CRKL: variants seen among roughly 807,000 people sequenced by gnomAD.
CRKL encodes the protein CRK like proto-oncogene, adaptor protein.
In CRKL, 3 loss-of-function variants were observed where a neutral mutation model predicts 23.0. The observed-to-expected ratio is 0.13, with a 90% CI of 0.06 to 0.34. CRKL has a LOEUF of 0.34. CRKL is among the 10% of genes least tolerant of loss of function. CRKL has a pLI of 1.00. For missense variants in CRKL, 256 were observed against 394.5 expected (o/e 0.65, Z 2.97); for synonymous variants, 188 against 160.7 (o/e 1.17, Z -1.28).
chr22:20,918,442 T>A (rs374621498), intron 1 of CRKL, among the ~76,000 whole-genome samples, 197 bp downstream of exon 1: 1 of 126,060 alleles, frequency 7.9e-6, no homozygotes, highest in Non-Finnish European at 1.7e-5. Context: ...TTTTTTTTTT[T>A]CCCTCTCACG....
intron 1 of CRKL, among the ~76,000 whole-genome samples, chr22:20,933,225 C>T (rs764933570): frequency 2.0e-5 from 3 of 151,878 alleles, no homozygotes; most frequent in African/African-American, 4.8e-5. Context: ...AAAAAATTAG[C>T]GGGGCGTGGT....
intron 2 of CRKL, among the ~76,000 whole-genome samples, chr22:20,944,662 C>G (rs560634440): frequency 1.9e-4 from 29 of 152,272 alleles, no homozygotes; most frequent in African/African-American, 6.5e-4. Flanking sequence ...CTCGGCCTCC[C>G]AAAGTGCTGG....
intron 1 of CRKL, among the ~76,000 whole-genome samples, chr22:20,920,600 C>T (rs988074803): frequency 3.9e-5 from 6 of 152,106 alleles, no homozygotes; most frequent in Non-Finnish European, 5.9e-5. Context: ...CCAGATTTTC[C>T]GTACATGCAT....
intron 1 of CRKL, among the ~76,000 whole-genome samples, chr22:20,919,624 A>G (rs35383542): frequency 0.07 from 10,711 of 152,190 alleles, 656 homozygotes; most frequent in Non-Finnish European, 0.086. Context: ...ATTATCCCAA[A>G]TTTGAGTTGA....
At chr22:20,932,133 C>T (rs1921478726) in intron 1 of CRKL, among the ~76,000 whole-genome samples, 1 of 150,318 alleles carries the variant, frequency 6.7e-6, no homozygotes, top group Non-Finnish European at 1.5e-5. Context: ...TGTTTTGAGA[C>T]AGTCTTGTTC....
intron 1 of CRKL, among the ~76,000 whole-genome samples, chr22:20,932,677 G>C (rs1301133107): frequency 1.3e-5 from 2 of 152,208 alleles, no homozygotes; most frequent in Non-Finnish European, 2.9e-5. Flanking sequence ...GTATGTGTGT[G>C]TGTATACTTG....
In CRKL at chr22:20,918,248, A is replaced by G. The variant is rs1320078408; in HGVS notation, c.311+3A>G. 1 of 1,613,098 alleles carries G rather than the reference A, an allele frequency of 6.2e-7. No homozygotes were observed. The highest frequency in any genetic ancestry group is 1.3e-5 in the African/African-American group (1 of 74,922). ...ACCCTCATCGAGCCTGCGCCCAGGT[A>G]CGCGAGAGCCCTCCCCGACCGCGGA... is the stretch of plus-strand genomic sequence containing the variant. On this transcript the variant is annotated splice_donor_region_variant and intron_variant, in intron 1 of 2. Transcript: ENST00000354336.
intron 1 of CRKL, among the ~76,000 whole-genome samples, chr22:20,918,945 C>T (rs1569130366): frequency 1.4e-5 from 2 of 147,890 alleles, no homozygotes; most frequent in Admixed American, 6.8e-5. Context: ...GCCGAGCACT[C>T]ACCACCCCAC....
At chr22:20,933,112 T>A (rs1349662323) in intron 1 of CRKL, among the ~76,000 whole-genome samples, 1 of 151,362 alleles carries the variant, frequency 6.6e-6, no homozygotes, top group African/African-American at 2.4e-5. Flanking sequence ...GGCTCACACC[T>A]GTAATCCCAG....
In CRKL at chr22:20,952,224, G is replaced by A. The variant is rs1922306091; in HGVS notation, c.*2379G>A. Reference sequence around the variant, plus strand: ...TGAATTACAGCAGTTGACTCAGAGTGCAAGAAGTCTGGCCATTTTGGAAAG... The same window carrying A: ...TGAATTACAGCAGTTGACTCAGAGTACAAGAAGTCTGGCCATTTTGGAAAG... On this transcript the variant is annotated 3_prime_UTR_variant, in exon 3 of 3. Transcript: ENST00000354336. The A allele has an allele frequency of 4.3e-6, 1 of 230,308 alleles. No individual in the cohort carries two copies. Among genetic ancestry groups the A allele is most frequent in the East Asian group, 6.2e-5 (1 of 16,204 alleles). The allele number at this position is 230,308 out of a possible 1,614,324, so 14.3% of individuals were successfully genotyped here. A position where few individuals can be genotyped will look rare whatever the true frequency, so the allele number is the denominator to read the frequency against.
intron 1 of CRKL, among the ~76,000 whole-genome samples, chr22:20,927,700 G>A (rs34876119): frequency 0.067 from 10,002 of 149,426 alleles, 459 homozygotes; most frequent in Non-Finnish European, 0.098. Flanking sequence ...AAAATTAGCC[G>A]GGCGTGGTGG....
rs1921557445 is a variant in CRKL at position 20,933,941 on chromosome 22, A to G, written c.474A>G (p.Glu158=). 2 of 1,614,190 alleles carry G rather than the reference A, an allele frequency of 1.2e-6. No individual in the cohort carries two copies. Residue 158 remains glutamate (E), a synonymous_variant, in exon 2 of 3, where the codon GAA becomes GAG. Coordinates refer to ENST00000354336, the MANE Select transcript of CRKL (RefSeq NM_005207.4). The part of the protein sequence containing the change: ...EILVIIEKPE[E]QWWSARNKDG... ...TAGTGATAATAGAGAAGCCTGAAGA[A>G]CAGTGGTGGAGTGCCCGGAACAAGG...
chr22:20,936,172 G>C (rs1921653450), intron 2 of CRKL, among the ~76,000 whole-genome samples: 1 of 152,064 alleles, frequency 6.6e-6, no homozygotes, highest in South Asian at 2.1e-4. Context: ...AAAAAGGGGG[G>C]AGAATGTTGA....
At chr22:20,932,373 A>C (rs1343738241) in intron 1 of CRKL, among the ~76,000 whole-genome samples, 2 of 152,146 alleles carry the variant, frequency 1.3e-5, no homozygotes, top group African/African-American at 4.8e-5. Context: ...CTGGGATTAC[A>C]GGTCTGAGCC....
intron 1 of CRKL, among the ~76,000 whole-genome samples, chr22:20,929,601 C>T (rs1046321928): frequency 2.6e-5 from 4 of 152,148 alleles, no homozygotes; most frequent in African/African-American, 9.7e-5. Flanking sequence ...GTAGCTGGGC[C>T]TACAGGCACA....
chr22:20,927,284 G>A (rs1276413916), intron 1 of CRKL, among the ~76,000 whole-genome samples: 8 of 130,166 alleles, frequency 6.1e-5, no homozygotes, highest in African/African-American at 1.2e-4. Context: ...TCCACCTCCC[G>A]GGTTCAAGTG....
At chr22:20,936,101 A>C (rs1601680823) in intron 2 of CRKL, among the ~76,000 whole-genome samples, 1 of 152,122 alleles carries the variant, frequency 6.6e-6, no homozygotes, top group Admixed American at 6.6e-5. Flanking sequence ...TAGAGGTTGC[A>C]GTGAGCCGAG....
intron 1 of CRKL, among the ~76,000 whole-genome samples, chr22:20,928,197 C>T (rs1209273873): frequency 6.6e-6 from 1 of 151,766 alleles, no homozygotes; most frequent in Non-Finnish European, 1.5e-5. Context: ...TGGCATGCAC[C>T]TGTAGTCCCA....
chr22:20,944,370 G>A (rs1424977403), intron 2 of CRKL, among the ~76,000 whole-genome samples: 1 of 151,704 alleles, frequency 6.6e-6, no homozygotes, highest in Non-Finnish European at 1.5e-5. Flanking sequence ...ATAATTTTTG[G>A]TATGCAAGTG....
Sources: allele counts gnomAD v4.1 joint callset (sites outside exome capture counted in the v4.1 genomes callset), GRCh38; gene constraint gnomAD v4.1.1; transcripts MANE v1.5; gene names NCBI Gene and HGNC (gene_info 2026-07-23, HGNC 2026-07-21).